The following JOSD1 variants were observed in gnomAD, a reference collection of about 807,000 sequenced individuals.
JOSD1 encodes Josephin domain containing 1.
A neutral mutation model predicts 24.3 loss-of-function variants in JOSD1; 11 were observed. The ratio of observed to expected loss-of-function variants is 0.45; its 90% CI spans 0.29 to 0.75. The LOEUF (loss-of-function observed/expected upper bound fraction) is 0.75, where lower values mean the gene tolerates loss of function less well. Ranked by LOEUF, JOSD1 falls within the 30% of genes least tolerant of loss-of-function variation. The pLI is 0.11. For synonymous variants in JOSD1, 106 were observed against 93.8 expected (o/e 1.13, Z -0.75); for missense variants, 184 against 253.5 (o/e 0.73, Z 1.86).
At position 38,689,104 on chromosome 22, in the gene JOSD1, TAGTG is replaced by T; in HGVS notation, c.336_339del (p.Asn114SerfsTer6). ...AGATTCATGATGAAGCCCATGACGT[TAGTG>T]AGGGCAATGACACCGACATCCCTGC... On this transcript the variant is annotated frameshift_variant, in exon 4 of 5. Transcript: ENST00000683374. LOFTEE classifies it high-confidence loss of function. 6.2e-7 allele frequency: 1 copy of T among 1,613,968 alleles called. No homozygotes were observed. Among genetic ancestry groups the T allele is most frequent in the South Asian group, 1.1e-5 (1 of 91,076 alleles).
At chr22:38,694,522 T>C (rs1412488823) in intron 2 of JOSD1, among the ~76,000 whole-genome samples, 1 of 152,122 alleles carries the variant, frequency 6.6e-6, no homozygotes, top group Non-Finnish European at 1.5e-5. Flanking sequence ...CTCACTTCTG[T>C]CATCCACAGC....
chr22:38,698,881 C>T lies in JOSD1; in HGVS notation c.185+922G>A, dbSNP rs533626288. Among the ~76,000 whole-genome samples the T allele has an allele frequency of 2.4e-4, 37 of 152,272 alleles. No homozygotes were observed. In the South Asian group the frequency reaches 5.8e-3, roughly 24 times the overall value. On this transcript the variant is annotated intron_variant, in intron 2 of 4. Coordinates refer to ENST00000683374, the MANE Select transcript of JOSD1 (RefSeq NM_001360236.2). ...ATGCGATTCTCCTGCCTCAGCCTCC[C>T]GACTAGCTGGGACTACAGGCGTGCA...
intron 1 of JOSD1, 86 bp downstream of exon 1, chr22:38,700,714 A>G: frequency 1.0e-6 from 1 of 977,892 alleles, no homozygotes; most frequent in Non-Finnish European, 1.2e-6. Flanking sequence ...CGCGCGGCGA[A>G]GGGCTGGCCC....
chr22:38,696,269 A>G (rs989354487), intron 2 of JOSD1, among the ~76,000 whole-genome samples: 150 of 149,706 alleles, frequency 1.0e-3, no homozygotes, highest in African/African-American at 3.6e-3. Context: ...TGGGAGTCTC[A>G]CTCTGTTGCC....
rs1438080305 is a variant in JOSD1 at position 38,686,618 on chromosome 22, G to A, written c.*1284C>T. The A allele has an allele frequency of 6.6e-6, 1 of 152,252 alleles. No homozygotes were observed. The highest frequency in any genetic ancestry group is 1.5e-5 in the Non-Finnish European group (1 of 68,068). 9.4% of individuals were successfully genotyped at this position (152,252 alleles called of 1,614,324 possible). A position where few individuals can be genotyped will look rare whatever the true frequency, so the allele number is the denominator to read the frequency against. On this transcript the variant is annotated 3_prime_UTR_variant, in exon 5 of 5. Coordinates refer to ENST00000683374, the MANE Select transcript of JOSD1 (RefSeq NM_001360236.2). ...TGATACAGAGAGGAAACGACATGAA[G>A]ATGACCAGCCCAGGTCCTATTCCAT... is the stretch of plus-strand genomic sequence containing the variant.
chr22:38,689,106 G>C lies in JOSD1; in HGVS notation c.338C>G (p.Thr113Ser). The C allele has an allele frequency of 6.2e-7, 1 of 1,614,088 alleles. No individual in the cohort carries two copies. The highest frequency in any genetic ancestry group is 8.5e-7 in the Non-Finnish European group (1 of 1,179,982). ...KRRDVGVIAL[T>S]NVMGFIMNLP... ...ATTCATGATGAAGCCCATGACGTTA[G>C]TGAGGGCAATGACACCGACATCCCT... Residue 113 changes from threonine to serine, a missense_variant, in exon 4 of 5, where the codon ACT becomes AGT. Physicochemically the swap from Thr to Ser is moderately conservative, Grantham distance 58. Coordinates refer to ENST00000683374, the MANE Select transcript of JOSD1 (RefSeq NM_001360236.2).
rs2092504727 is a variant in JOSD1, at chr22:38,687,870, G to A, written c.*32C>T. 6 of 1,448,914 alleles carry A rather than the reference G, an allele frequency of 4.1e-6. No homozygotes were observed. The highest frequency in any genetic ancestry group is 4.9e-6 in the Non-Finnish European group (5 of 1,029,584). The allele number at this position is 1,448,914 out of a possible 1,614,324, so 89.8% of individuals were successfully genotyped here. A position where few individuals can be genotyped will look rare whatever the true frequency, so the allele number is the denominator to read the frequency against. On this transcript the variant is annotated 3_prime_UTR_variant, in exon 5 of 5. Coordinates refer to ENST00000683374, the MANE Select transcript of JOSD1 (RefSeq NM_001360236.2). ...ACAGCACGTCACAGAGGACTGAAGG[G>A]GCTGAGGCGAGAGGGAGGTTGGGCA...
At position 38,686,363 on chromosome 22, in the gene JOSD1, T is replaced by G. The variant is rs1298068581; in HGVS notation, c.*1539A>C. On this transcript the variant is annotated 3_prime_UTR_variant, in exon 5 of 5. Coordinates refer to ENST00000683374, the MANE Select transcript of JOSD1 (RefSeq NM_001360236.2). Reference sequence around the variant, plus strand: ...ATCAACATGCAAGCCCCAGGCTGGCTTTGCTGCTGGAGAGAAGTCTGGCCA... The same window carrying G: ...ATCAACATGCAAGCCCCAGGCTGGCGTTGCTGCTGGAGAGAAGTCTGGCCA... The G allele has an allele frequency of 6.6e-6, 1 of 152,392 alleles. No individual in the cohort carries two copies. The highest frequency in any genetic ancestry group is 1.5e-5 in the Non-Finnish European group (1 of 68,032). The allele number at this position is 152,392 out of a possible 1,614,324, so 9.4% of individuals were successfully genotyped here. A position where few individuals can be genotyped will look rare whatever the true frequency, so the allele number is the denominator to read the frequency against.
At position 38,689,405 on chromosome 22, in the gene JOSD1, C is replaced by T. The variant is rs753742272; in HGVS notation, c.205G>A (p.Val69Met). 1.9e-6 allele frequency: 3 copies of T among 1,614,208 alleles called. No individual in the cohort carries two copies. In the South Asian group the frequency reaches 3.3e-5, roughly 18 times the overall value. ...AGCATGCTCTTCTTGTGAGGTGTCA[C>T]CATGGTGTTTGGAGACAACCTACCA... ...IFQRLSPNTM[V>M]TPHKKSMLGN... The change falls in exon 3 of 5, where the codon GTG becomes ATG. Residue 69 changes from valine to methionine, a missense_variant. Val to Met is a conservative substitution (Grantham distance 21, BLOSUM62 1). Coordinates refer to ENST00000683374, the MANE Select transcript of JOSD1 (RefSeq NM_001360236.2).
chr22:38,698,584 C>T (rs937971344), intron 2 of JOSD1, among the ~76,000 whole-genome samples: 2 of 152,198 alleles, frequency 1.3e-5, no homozygotes, highest in African/African-American at 4.8e-5. Flanking sequence ...GCTTGAGCTT[C>T]TCTGCAGCGA....
rs201073430 is a variant in JOSD1 at position 38,692,133 on chromosome 22, A to AT, written c.186-2710dup. 4.4e-3 allele frequency among the ~76,000 whole-genome samples: 671 copies of AT among 152,284 alleles called. 8 individuals carry two copies. The highest frequency in any genetic ancestry group is 0.015 in the African/African-American group (629 of 41,552). Reference sequence around the variant, plus strand: ...AATAATAACTATAACTTATTGAAAAATCTCTGTGCCAAGCACTATGATAAG... The same window carrying AT: ...AATAATAACTATAACTTATTGAAAAATTCTCTGTGCCAAGCACTATGATAAG... On this transcript the variant is annotated intron_variant, in intron 2 of 4. Transcript: ENST00000683374.
intron 2 of JOSD1, among the ~76,000 whole-genome samples, chr22:38,692,609 T>G (rs967546631): frequency 6.6e-6 from 1 of 151,252 alleles, no homozygotes. Context: ...TGAAACCCCA[T>G]CTCTACTAAA....
At chr22:38,692,319 G>A (rs1288460056) in intron 2 of JOSD1, among the ~76,000 whole-genome samples, 3 of 152,170 alleles carry the variant, frequency 2.0e-5, no homozygotes, top group African/African-American at 7.2e-5. Flanking sequence ...GGATTCATTT[G>A]AATCCAAAGT....
intron 2 of JOSD1, among the ~76,000 whole-genome samples, chr22:38,689,878 G>A (rs1245304714): frequency 6.7e-6 from 1 of 150,098 alleles, no homozygotes; most frequent in Non-Finnish European, 1.5e-5. Context: ...AAGTAGTGAG[G>A]CCTACTGGAA....
Position 38,689,055 on chromosome 22 carries a change from G to C in JOSD1, c.389C>G (p.Pro130Arg). 1 of 1,614,220 alleles carries C rather than the reference G, an allele frequency of 6.2e-7. No individual in the cohort carries two copies. The highest frequency in any genetic ancestry group is 8.5e-7 in the Non-Finnish European group (1 of 1,180,044). ...CTGCCTTTTGAGGGGCAGTTTCAGTGGACCCCAGCATAGGCTGGAGGGCAG... is the reference window on the plus strand; with the variant it reads ...CTGCCTTTTGAGGGGCAGTTTCAGTCGACCCCAGCATAGGCTGGAGGGCAG... Reference protein sequence around the residue: ...MNLPSSLCWGPLKLPLKRQHW... With the variant: ...MNLPSSLCWGRLKLPLKRQHW... Residue 130 changes from proline to arginine, a missense_variant, in exon 4 of 5, where the codon CCA becomes CGA. Coordinates refer to ENST00000683374, the MANE Select transcript of JOSD1 (RefSeq NM_001360236.2).
intron 2 of JOSD1, among the ~76,000 whole-genome samples, chr22:38,697,471 T>C (rs889177547): frequency 1.3e-5 from 2 of 152,194 alleles, no homozygotes; most frequent in African/African-American, 4.8e-5. Context: ...ATTTAGCAAA[T>C]ATTTAGCATT....
chr22:38,693,478 A>G (rs2145810988), intron 2 of JOSD1, among the ~76,000 whole-genome samples: 1 of 152,312 alleles, frequency 6.6e-6, no homozygotes, highest in South Asian at 2.1e-4. Flanking sequence ...ATATATAGGA[A>G]CTGACAATGG....
intron 2 of JOSD1, among the ~76,000 whole-genome samples, chr22:38,694,129 G>A (rs1446425613): frequency 6.6e-6 from 1 of 152,200 alleles, no homozygotes; most frequent in Non-Finnish European, 1.5e-5. Flanking sequence ...ATGGTCATTT[G>A]AATAAGTGGG....
At position 38,700,303 on chromosome 22, in the gene JOSD1, C is replaced by G; in HGVS notation, c.-316G>C. On this transcript the variant is annotated 5_prime_UTR_variant, in exon 2 of 5. Coordinates refer to ENST00000683374, the MANE Select transcript of JOSD1 (RefSeq NM_001360236.2). Reference sequence around the variant, plus strand: ...TTCCCCACCCTTCCCTCCCACCCCCCTCCAAAATCCCCACGATTTTCTTGC... The same window carrying G: ...TTCCCCACCCTTCCCTCCCACCCCCGTCCAAAATCCCCACGATTTTCTTGC... 9.6e-7 allele frequency: 1 copy of G among 1,038,166 alleles called. No homozygotes were observed. The highest frequency in any genetic ancestry group is 1.2e-6 in the Non-Finnish European group (1 of 862,782). 64.3% of individuals were successfully genotyped at this position (1,038,166 alleles called of 1,614,324 possible).
Sources: gnomAD v4.1 joint callset for allele counts (sites outside exome capture counted in the v4.1 genomes callset) on GRCh38, gnomAD v4.1.1 for gene constraint, MANE v1.5 for transcripts, NCBI Gene and HGNC (gene_info 2026-07-23, HGNC 2026-07-21) for gene names.